Variants in ZNF18 observed in about 807,000 individuals in gnomAD.
The protein encoded by ZNF18 is heart development-specific gene 1 protein.
A neutral mutation model predicts 58.1 loss-of-function variants in ZNF18; 42 were observed. The observed-to-expected ratio is 0.72, with a 90% CI of 0.56 to 0.93. The LOEUF (loss-of-function observed/expected upper bound fraction) is 0.93, where lower values mean the gene tolerates loss of function less well. Among genes scored for constraint, ZNF18 ranks in the 40% least tolerant of loss-of-function variants. ZNF18 has a pLI of 0.00. For synonymous variants in ZNF18, 231 were observed against 239.8 expected, an observed-to-expected ratio of 0.96 and a Z score of 0.34; for missense variants, 540 against 644.2, an observed-to-expected ratio of 0.84 and a Z score of 1.75.
In ZNF18 at chr17:11,990,627, T is replaced by G. The variant is rs181717097; in HGVS notation, c.578-77A>C. Reference sequence around the variant, plus strand: ...CCCCAGAGGGCGCAGATAACAATCTTCACAAATCAGAACAATACCTGAACA... The same window carrying G: ...CCCCAGAGGGCGCAGATAACAATCTGCACAAATCAGAACAATACCTGAACA... On this transcript the variant is annotated intron_variant, in intron 3 of 6. Coordinates refer to ENST00000580306, the MANE Select transcript of ZNF18 (RefSeq NM_001303281.2). The G allele has an allele frequency of 8.4e-6, 10 of 1,192,128 alleles. No homozygotes were observed. In the East Asian group the frequency reaches 2.0e-4, roughly 24 times the overall value. The allele number at this position is 1,192,128 out of a possible 1,614,324, so 73.8% of individuals were successfully genotyped here.
Position 11,978,523 on chromosome 17 carries a change from G to C in ZNF18, c.1084C>G (p.Gln362Glu). ...AGTTGTTTCTCAGAAATCCTTTCTT[G>C]AGGAGACAGCTGTTCCCCTGTTCCC... is the stretch of plus-strand genomic sequence containing the variant. ...DEGTGEQLSP[Q>E]ERISEKQLGQ... Residue 362 changes from glutamine (Q) to glutamate (E), a missense_variant, in exon 7 of 7, where the codon CAA becomes GAA. Transcript: ENST00000580306. 1 of 1,609,644 alleles carries C rather than the reference G, an allele frequency of 6.2e-7. No individual in the cohort carries two copies. Among genetic ancestry groups the C allele is most frequent in the Non-Finnish European group, 8.5e-7 (1 of 1,178,366 alleles).
chr17:11,992,933 G>A (rs974896303), intron 1 of ZNF18, 22 bp from the exon 2 acceptor site: 32 of 1,315,096 alleles, frequency 2.4e-5, no homozygotes, highest in Non-Finnish European at 2.9e-5. Flanking sequence ...ATGAGATTGA[G>A]TGCTACACAG....
chr17:12,002,617 T>C, the ZNF18 span, among the ~76,000 whole-genome samples: 1 of 152,128 alleles, frequency 6.6e-6, no homozygotes, highest in Non-Finnish European at 1.5e-5. Context: ...GCAGATCCCA[T>C]ACTCTGCCCT....
chr17:12,021,041 G>A, the ZNF18 span: 1 of 1,145,392 alleles, frequency 8.7e-7, no homozygotes, highest in South Asian at 4.4e-5. Context: ...GCCCCCTAGC[G>A]CGGCAACCCG....
chr17:12,018,777 A>G, the ZNF18 span, among the ~76,000 whole-genome samples: 1 of 152,164 alleles, frequency 6.6e-6, no homozygotes, highest in African/African-American at 2.4e-5. Flanking sequence ...ACTAGTTTAC[A>G]ATACCAACAG....
the ZNF18 span, among the ~76,000 whole-genome samples, chr17:12,011,556 TTG>T: frequency 1.3e-5 from 2 of 151,918 alleles, no homozygotes; most frequent in Admixed American, 1.3e-4. Flanking sequence ...CAGGTAATTT[TTG>T]TGTTTTTAGT....
upstream of ZNF18, among the ~76,000 whole-genome samples, chr17:11,999,263 T>C (rs1274255042): frequency 2.0e-5 from 3 of 152,230 alleles, no homozygotes; most frequent in Non-Finnish European, 4.4e-5. Context: ...TGATGGAAGG[T>C]AAAATTTTTC....
chr17:11,988,707 T>A (rs1967907287), intron 4 of ZNF18, among the ~76,000 whole-genome samples: 1 of 152,198 alleles, frequency 6.6e-6, no homozygotes, highest in Admixed American at 6.5e-5. Context: ...AATGTTTCTC[T>A]GGTGCCATGT....
the ZNF18 span, among the ~76,000 whole-genome samples, chr17:12,013,980 A>C: frequency 6.6e-6 from 1 of 152,238 alleles, no homozygotes; most frequent in African/African-American, 2.4e-5. Flanking sequence ...ACGAGAGTTC[A>C]TGTTTTGGTA....
intron 6 of ZNF18, 61 bp from the exon 7 acceptor site, chr17:11,978,805 T>C (rs998411003): frequency 1.0e-5 from 9 of 901,562 alleles, no homozygotes; most frequent in African/African-American, 8.6e-5. Flanking sequence ...CTAACTCATA[T>C]GTCAAAGAGA....
At chr17:12,019,028 C>T in the ZNF18 span, among the ~76,000 whole-genome samples, 9 of 151,876 alleles carry the variant, frequency 5.9e-5, no homozygotes, top group East Asian at 1.3e-3. Flanking sequence ...AATCTCGGCT[C>T]ACTGCAACCT....
chr17:11,985,617 C>T (rs1169236788), intron 4 of ZNF18, among the ~76,000 whole-genome samples: 1 of 152,156 alleles, frequency 6.6e-6, no homozygotes, highest in African/African-American at 2.4e-5. Context: ...GTTGCCTCTA[C>T]TAGCAATGTA....
chr17:11,995,936 AAACC>A (rs796360136), intron 1 of ZNF18, among the ~76,000 whole-genome samples: 49 of 152,316 alleles, frequency 3.2e-4, no homozygotes, highest in African/African-American at 1.2e-3. Context: ...AAACACTCAA[AAACC>A]CAATATCTGA....
intron 1 of ZNF18, chr17:11,997,149 C>T (rs986609821): frequency 6.6e-6 from 1 of 152,576 alleles, no homozygotes; most frequent in Non-Finnish European, 1.5e-5. Flanking sequence ...GTTTTCGGTC[C>T]CAGTGCAGAG....
At chr17:11,989,334 G>A (rs574558536) in intron 4 of ZNF18, among the ~76,000 whole-genome samples, 27 of 151,956 alleles carry the variant, frequency 1.8e-4, no homozygotes, top group African/African-American at 4.6e-4. Context: ...CAAAACAAAC[G>A]AAAAAGACAA....
chr17:11,990,404 G>A (rs1968030501), intron 4 of ZNF18, 58 bp downstream of exon 4: 1 of 1,432,516 alleles, frequency 7.0e-7, no homozygotes, highest in Non-Finnish European at 9.6e-7. Context: ...AGAAGCAGGA[G>A]GATGAGATTA....
chr17:11,994,406 G>C (rs545594987), intron 1 of ZNF18, among the ~76,000 whole-genome samples: 10 of 152,264 alleles, frequency 6.6e-5, no homozygotes, highest in African/African-American at 2.4e-4. Flanking sequence ...CCCCCACACA[G>C]TAGAAAATCC....
the ZNF18 span, among the ~76,000 whole-genome samples, chr17:12,019,469 G>A: frequency 2.1e-3 from 317 of 152,200 alleles, 2 homozygotes; most frequent in East Asian, 0.019. Context: ...GGAGCAACAA[G>A]AGCTGGGTGG....
In ZNF18 at chr17:11,978,429, GTC is replaced by G. The variant is rs748868764; in HGVS notation, c.1176_1177del (p.Glu392AspfsTer27). On this transcript the variant is annotated frameshift_variant, in exon 7 of 7. Coordinates refer to ENST00000580306, the MANE Select transcript of ZNF18 (RefSeq NM_001303281.2). LOFTEE classifies it high-confidence loss of function. ...GGCTCTTGGCTGCCCCTTCTGGGAG[GTC>G]TCTCTCTTCTCCTCAAGCCACATGG... The G allele has an allele frequency of 4.5e-6, 7 of 1,551,466 alleles. No homozygotes were observed. The highest frequency in any genetic ancestry group is 1.3e-5 in the South Asian group (1 of 78,680).
Sources: allele counts gnomAD v4.1 joint callset (sites outside exome capture counted in the v4.1 genomes callset), GRCh38; gene constraint gnomAD v4.1.1; transcripts MANE v1.5; gene names NCBI Gene and HGNC (gene_info 2026-07-23, HGNC 2026-07-21).